ARHGAP15: variants seen among roughly 807,000 people sequenced by gnomAD.
The protein encoded by ARHGAP15 is Rho GTPase activating protein 15, also known as rho GTPase-activating protein 15.
Under a neutral mutation model 63.7 loss-of-function variants are expected in ARHGAP15, and 51 were observed. The ratio of observed to expected loss-of-function variants is 0.80; its 90% CI spans 0.64 to 1.01. The LOEUF (loss-of-function observed/expected upper bound fraction) is 1.01, where lower values mean the gene tolerates loss of function less well. Ranked by LOEUF, ARHGAP15 falls within the 50% of genes least tolerant of loss-of-function variation. The probability of loss-of-function intolerance (pLI) is 0.00; values close to 1 mark genes in which losing one functional copy is unlikely to be tolerated. For synonymous variants in ARHGAP15, 191 were observed against 193.8 expected (o/e 0.99, Z 0.12); for missense variants, 560 against 564.6 (o/e 0.99, Z 0.08).
intron 12 of ARHGAP15, among the ~76,000 whole-genome samples, chr2:143,625,795 A>G (rs998296477): frequency 1.3e-5 from 2 of 152,158 alleles, no homozygotes; most frequent in Non-Finnish European, 2.9e-5. Flanking sequence ...GATTGTGTAC[A>G]TTTAAAGAAG....
intron 3 of ARHGAP15, among the ~76,000 whole-genome samples, chr2:143,208,376 C>A (rs763852328): frequency 6.6e-6 from 1 of 152,164 alleles, no homozygotes; most frequent in Non-Finnish European, 1.5e-5. Context: ...GAGGCTAACA[C>A]CCTTTGGGAA....
At position 143,323,198 on chromosome 2, in the gene ARHGAP15, G is replaced by A. The variant is rs534722766; in HGVS notation, c.474+72598G>A. Among the ~76,000 whole-genome samples, 13 of 152,266 alleles carry A rather than the reference G, an allele frequency of 8.5e-5. No homozygotes were observed. The South Asian group carries it at 2.1e-3, about 24-fold the overall frequency. On this transcript the variant is annotated intron_variant, in intron 6 of 13. Coordinates refer to ENST00000295095, the MANE Select transcript of ARHGAP15 (RefSeq NM_018460.4). ...TGTTTCACAGATTGAGAAGGAACAC[G>A]TACAGGTTTGTTACATGGGTATATT...
chr2:143,228,514 T>G (rs535685442), intron 4 of ARHGAP15, 67 bp from the exon 5 acceptor site: 1 of 1,071,996 alleles, frequency 9.3e-7, no homozygotes, highest in Non-Finnish European at 1.4e-6. Context: ...ATGTTGCTCA[T>G]ACTGTATCTA....
chr2:143,489,223 T>A (rs1042070814), intron 9 of ARHGAP15, among the ~76,000 whole-genome samples: 2 of 152,208 alleles, frequency 1.3e-5, no homozygotes, highest in South Asian at 4.1e-4. Context: ...TGCTCTAGAA[T>A]TGGTCTCAGA....
intron 2 of ARHGAP15, among the ~76,000 whole-genome samples, chr2:143,169,067 T>C (rs1690660851): frequency 6.6e-6 from 1 of 152,096 alleles, no homozygotes; most frequent in Non-Finnish European, 1.5e-5. Context: ...GACTTGCAAC[T>C]GGCATGTTGA....
At chr2:143,627,086 C>T (rs1698863088) in intron 12 of ARHGAP15, among the ~76,000 whole-genome samples, 1 of 152,166 alleles carries the variant, frequency 6.6e-6, no homozygotes, top group African/African-American at 2.4e-5. Flanking sequence ...CTCACCAATA[C>T]ATTAAATGGG....
intron 12 of ARHGAP15, among the ~76,000 whole-genome samples, chr2:143,701,032 A>G (rs886353728): frequency 2.6e-4 from 39 of 151,250 alleles, no homozygotes; most frequent in African/African-American, 8.8e-4. Context: ...TTTTTTTTGC[A>G]GTTGTCCAAG....
intron 9 of ARHGAP15, among the ~76,000 whole-genome samples, chr2:143,495,515 A>G (rs1276921697): frequency 6.6e-6 from 1 of 152,234 alleles, no homozygotes; most frequent in Non-Finnish European, 1.5e-5. Context: ...ACATTTAAGT[A>G]ATTACCCACA....
At chr2:143,292,646 A>AT (rs550239386) in intron 6 of ARHGAP15, among the ~76,000 whole-genome samples, 13 of 152,108 alleles carry the variant, frequency 8.5e-5, no homozygotes, top group African/African-American at 2.2e-4. Flanking sequence ...AGAAAGGTTG[A>AT]TTTTTTTCAT....
At chr2:143,510,934 AT>A (rs1452976577) in intron 9 of ARHGAP15, among the ~76,000 whole-genome samples, 2 of 152,230 alleles carry the variant, frequency 1.3e-5, no homozygotes, top group African/African-American at 4.8e-5. Context: ...ATAAATGATG[AT>A]AAAACCGTCA....
intron 6 of ARHGAP15, among the ~76,000 whole-genome samples, chr2:143,397,365 C>G (rs577833219): frequency 5.3e-4 from 77 of 144,702 alleles, no homozygotes; most frequent in Non-Finnish European, 9.8e-4. Flanking sequence ...TATCTCCAAC[C>G]TTAGTTTCAT....
At chr2:143,241,214 T>A (rs1693847491) in intron 5 of ARHGAP15, among the ~76,000 whole-genome samples, 1 of 152,218 alleles carries the variant, frequency 6.6e-6, no homozygotes, top group Non-Finnish European at 1.5e-5. Context: ...TCACATTAGG[T>A]AGAAACAGGG....
chr2:143,381,257 C>A (rs930844898), intron 6 of ARHGAP15, among the ~76,000 whole-genome samples: 1 of 151,960 alleles, frequency 6.6e-6, no homozygotes, highest in African/African-American at 2.4e-5. Flanking sequence ...TTATATTCTC[C>A]CCAGATGATT....
chr2:143,753,227 C>T (rs946183596), intron 13 of ARHGAP15, among the ~76,000 whole-genome samples: 2 of 152,246 alleles, frequency 1.3e-5, no homozygotes, highest in African/African-American at 2.4e-5. Flanking sequence ...TGAGGCAAAC[C>T]GTGAAGAAGA....
chr2:143,592,138 C>G (rs1458609482), intron 11 of ARHGAP15, among the ~76,000 whole-genome samples: 1 of 151,980 alleles, frequency 6.6e-6, no homozygotes, highest in Non-Finnish European at 1.5e-5. Context: ...CTAATATATC[C>G]TCATTTGTTT....
intron 13 of ARHGAP15, among the ~76,000 whole-genome samples, chr2:143,748,136 T>C (rs1686238235): frequency 6.6e-6 from 1 of 152,240 alleles, no homozygotes; most frequent in Non-Finnish European, 1.5e-5. Context: ...CTAGAGGTCA[T>C]GTCTTTCTTT....
chr2:143,701,715 G>A (rs1238916919), intron 12 of ARHGAP15, among the ~76,000 whole-genome samples: 1 of 152,184 alleles, frequency 6.6e-6, no homozygotes, highest in African/African-American at 2.4e-5. Context: ...GCACAGTAGA[G>A]CAAGATCCTG....
intron 5 of ARHGAP15, among the ~76,000 whole-genome samples, chr2:143,250,018 T>C (rs565949810): frequency 6.6e-6 from 1 of 152,218 alleles, no homozygotes; most frequent in East Asian, 1.9e-4. Flanking sequence ...ATTTTCTAGA[T>C]GATGTAGTCA....
chr2:143,407,179 G>T (rs1157192983), intron 6 of ARHGAP15, among the ~76,000 whole-genome samples: 1 of 151,784 alleles, frequency 6.6e-6, no homozygotes, highest in Non-Finnish European at 1.5e-5. Context: ...GTATACATTT[G>T]CATCCTTCAT....
Sources: gnomAD v4.1 joint callset for allele counts (sites outside exome capture counted in the v4.1 genomes callset) on GRCh38, gnomAD v4.1.1 for gene constraint, MANE v1.5 for transcripts, NCBI Gene and HGNC (gene_info 2026-07-23, HGNC 2026-07-21) for gene names.